Variants in MBNL2 observed in about 807,000 individuals in gnomAD.
MBNL2 encodes the protein muscleblind-like protein 2.
MBNL2 carries 17 observed loss-of-function variants against 41.9 expected under a neutral mutation model. That is an observed-to-expected ratio of 0.41 (90% confidence interval 0.28 to 0.61). The LOEUF (loss-of-function observed/expected upper bound fraction) is 0.61, where lower values mean the gene tolerates loss of function less well. MBNL2 is among the 20% of genes least tolerant of loss of function. The probability of loss-of-function intolerance (pLI) is 0.35; values close to 1 mark genes in which losing one functional copy is unlikely to be tolerated. For missense variants in MBNL2, 336 were observed against 505.6 expected (o/e 0.66, Z 3.22); for synonymous variants, 195 against 182.9 (o/e 1.07, Z -0.53).
At chr13:97,199,364 C>G in the MBNL2 span, among the ~76,000 whole-genome samples, 1 of 152,100 alleles carries the variant, frequency 6.6e-6, no homozygotes, top group Non-Finnish European at 1.5e-5. Context: ...GTATTATATA[C>G]ACACTCTTTG....
intron 5 of MBNL2, among the ~76,000 whole-genome samples, chr13:97,353,704 T>C (rs1374643217): frequency 6.6e-6 from 1 of 152,168 alleles, no homozygotes. Flanking sequence ...AGACAGAACT[T>C]TTCTTTGGTA....
upstream of MBNL2, among the ~76,000 whole-genome samples, chr13:97,218,226 C>T (rs1324318311): frequency 2.0e-5 from 3 of 151,674 alleles, no homozygotes; most frequent in Admixed American, 6.6e-5. Flanking sequence ...CTGGATAGCA[C>T]GGTGAAATCC....
the MBNL2 span, among the ~76,000 whole-genome samples, chr13:97,161,425 C>T: frequency 6.6e-6 from 1 of 152,154 alleles, no homozygotes; most frequent in Admixed American, 6.6e-5. Context: ...GACTTCAAGT[C>T]TGAAACTCCC....
At chr13:97,159,221 C>T in the MBNL2 span, among the ~76,000 whole-genome samples, 1 of 151,382 alleles carries the variant, frequency 6.6e-6, no homozygotes, top group East Asian at 1.9e-4. Flanking sequence ...ATTGCAACCC[C>T]TGCGTTTTTT....
the MBNL2 span, among the ~76,000 whole-genome samples, chr13:97,149,506 C>T: frequency 1.3e-5 from 2 of 152,088 alleles, no homozygotes; most frequent in African/African-American, 4.8e-5. Flanking sequence ...GACATGCTAC[C>T]CACAGTCATA....
chr13:97,206,291 T>G, the MBNL2 span, among the ~76,000 whole-genome samples: 1 of 152,166 alleles, frequency 6.6e-6, no homozygotes, highest in Non-Finnish European at 1.5e-5. Flanking sequence ...CAATCTTTGT[T>G]CACTGCATCG....
At chr13:97,270,371 G>T (rs1469113734) in intron 1 of MBNL2, among the ~76,000 whole-genome samples, 11 of 151,758 alleles carry the variant, frequency 7.2e-5, no homozygotes, top group Non-Finnish European at 5.9e-5. Context: ...TTCTTACAAG[G>T]CATGTATTTT....
the MBNL2 span, among the ~76,000 whole-genome samples, chr13:97,167,982 T>C: frequency 1.3e-5 from 2 of 152,172 alleles, no homozygotes; most frequent in Non-Finnish European, 2.9e-5. Context: ...TATTTTTTTT[T>C]GAGATGGAGT....
chr13:97,357,406 A>C, intron 6 of MBNL2, 76 bp from the exon 7 acceptor site: 1 of 1,228,210 alleles, frequency 8.1e-7, no homozygotes. Flanking sequence ...AGAATGTTGC[A>C]ATTGATGATC....
chr13:97,187,317 C>T, the MBNL2 span, among the ~76,000 whole-genome samples: 1 of 152,000 alleles, frequency 6.6e-6, no homozygotes, highest in Admixed American at 6.6e-5. Context: ...CTTAAATCCA[C>T]CACTGAGATT....
the MBNL2 span, among the ~76,000 whole-genome samples, chr13:97,161,094 T>C: frequency 1.3e-5 from 2 of 152,198 alleles, no homozygotes; most frequent in African/African-American, 4.8e-5. Flanking sequence ...AAGCCCTTTA[T>C]CTTCTTTTTG....
chr13:97,148,331 T>C, the MBNL2 span, among the ~76,000 whole-genome samples: 1 of 152,176 alleles, frequency 6.6e-6, no homozygotes, highest in Non-Finnish European at 1.5e-5. Context: ...CTTTTCTTTT[T>C]TTTTTCAATT....
chr13:97,224,313 A>G (rs529021746), intron 1 of MBNL2, among the ~76,000 whole-genome samples: 1 of 152,336 alleles, frequency 6.6e-6, no homozygotes, highest in Admixed American at 6.5e-5. Flanking sequence ...TAGAAAAATC[A>G]TCATGTCCTA....
the MBNL2 span, among the ~76,000 whole-genome samples, chr13:97,169,187 C>T: frequency 1.3e-5 from 2 of 152,200 alleles, no homozygotes; most frequent in Non-Finnish European, 2.9e-5. Context: ...AGTCAGATTG[C>T]TGAATACTCC....
the MBNL2 span, chr13:97,172,921 G>GAT: frequency 3.9e-5 from 6 of 152,064 alleles, no homozygotes; most frequent in East Asian, 7.7e-4. Context: ...AAAATATATA[G>GAT]ATATATATGT....
intron 2 of MBNL2, among the ~76,000 whole-genome samples, chr13:97,284,329 C>T (rs1220801884): frequency 1.3e-5 from 2 of 152,160 alleles, no homozygotes; most frequent in African/African-American, 2.4e-5. Flanking sequence ...TTGCCTCTTT[C>T]GGCTTTTGGT....
At chr13:97,190,282 C>T in the MBNL2 span, among the ~76,000 whole-genome samples, 2 of 152,230 alleles carry the variant, frequency 1.3e-5, no homozygotes, top group African/African-American at 4.8e-5. Context: ...TAAGCACTAG[C>T]AGCGATCCCT....
At chr13:97,378,264 C>T (rs1308295272) in intron 8 of MBNL2, among the ~76,000 whole-genome samples, 2 of 147,094 alleles carry the variant, frequency 1.4e-5, no homozygotes, top group Non-Finnish European at 2.9e-5. Flanking sequence ...TTATCTGATC[C>T]TCACACCAAC....
At chr13:97,144,122 G>T in the MBNL2 span, among the ~76,000 whole-genome samples, 1 of 152,204 alleles carries the variant, frequency 6.6e-6, no homozygotes, top group Non-Finnish European at 1.5e-5. Context: ...AGGATTACGG[G>T]CATGAGCCAC....
Sources: allele counts gnomAD v4.1 joint callset (sites outside exome capture counted in the v4.1 genomes callset), GRCh38; gene constraint gnomAD v4.1.1; transcripts MANE v1.5; gene names NCBI Gene and HGNC (gene_info 2026-07-23, HGNC 2026-07-21).